The following SLC24A4 variants were observed in gnomAD, a reference collection of about 807,000 sequenced individuals.
SLC24A4 encodes solute carrier family 24 member 4.
In SLC24A4, 53 loss-of-function variants were observed where a neutral mutation model predicts 79.0. The ratio of observed to expected loss-of-function variants is 0.67; its 90% CI spans 0.54 to 0.84. The LOEUF (loss-of-function observed/expected upper bound fraction) is 0.84. Ranked by LOEUF, SLC24A4 falls within the 40% of genes least tolerant of loss-of-function variation. The probability of loss-of-function intolerance (pLI) is 0.00; values close to 1 mark genes in which losing one functional copy is unlikely to be tolerated. For missense variants in SLC24A4, 731 were observed against 822.0 expected, an observed-to-expected ratio of 0.89 and a Z score of 1.35; for synonymous variants, 323 against 323.8, an observed-to-expected ratio of 1.00 and a Z score of 0.03.
At chr14:92,483,624 C>A in intron 13 of SLC24A4, 1 of 713,160 alleles carries the variant, frequency 1.4e-6, no homozygotes, top group Non-Finnish European at 2.1e-6. Context: ...CCCATGTAAA[C>A]CTTTCATCGG....
In SLC24A4 at chr14:92,486,531, T is replaced by C. The variant is rs190034783; in HGVS notation, c.1423-135T>C. Reference sequence around the variant, plus strand: ...GGGGTTTTTTTTGTTTTGTTTTGTTTTGTTTTAAAAGAGGCAGCCCCAGTA... The same window carrying C: ...GGGGTTTTTTTTGTTTTGTTTTGTTCTGTTTTAAAAGAGGCAGCCCCAGTA... On this transcript the variant is annotated intron_variant, in intron 13 of 16. Transcript: ENST00000532405. The C allele has an allele frequency of 1.3e-5, 8 of 633,746 alleles. No individual in the cohort carries two copies. In the Admixed American group the frequency reaches 2.4e-4, roughly 19 times the overall value. The allele number at this position is 633,746 out of a possible 1,614,324, so 39.3% of individuals were successfully genotyped here. A position where few individuals can be genotyped will look rare whatever the true frequency, so the allele number is the denominator to read the frequency against.
In SLC24A4 at chr14:92,482,565, A is replaced by G. The variant is rs982898612; in HGVS notation, c.1256-115A>G. On this transcript the variant is annotated intron_variant, in intron 12 of 16. Coordinates refer to ENST00000532405, the MANE Select transcript of SLC24A4 (RefSeq NM_153646.4). ...TGCAAGGTCAGTTGCCTAGAGTCAC[A>G]TCGGTGGCATTCTCTTATTTAGCTT... is the stretch of plus-strand genomic sequence containing the variant. 12 of 1,001,964 alleles carry G rather than the reference A, an allele frequency of 1.2e-5. No homozygotes were observed. The Admixed American group carries it at 3.1e-4, about 26-fold the overall frequency. 62.1% of individuals were successfully genotyped at this position (1,001,964 alleles called of 1,614,324 possible). A position where few individuals can be genotyped will look rare whatever the true frequency, so the allele number is the denominator to read the frequency against.
At position 92,327,950 on chromosome 14, in the gene SLC24A4, GGGT is replaced by G. The variant is rs1235371142; in HGVS notation, c.241+1973_241+1975del. 3.9e-5 allele frequency among the ~76,000 whole-genome samples: 6 copies of G among 152,296 alleles called. No individual in the cohort carries two copies. The East Asian group carries it at 1.2e-3, about 29-fold the overall frequency. The stretch of plus-strand genomic sequence containing the variant: ...CCCATAGAAAGGACTGCATAGATAT[GGGT>G]CGAATGATGGAATGAAAGTGCATTT... On this transcript the variant is annotated intron_variant, in intron 2 of 16. Coordinates refer to ENST00000532405, the MANE Select transcript of SLC24A4 (RefSeq NM_153646.4).
At chr14:92,433,734 G>T (rs1892003659) in intron 2 of SLC24A4, among the ~76,000 whole-genome samples, 178 bp from the exon 3 acceptor site, 2 of 152,186 alleles carry the variant, frequency 1.3e-5, no homozygotes, top group African/African-American at 4.8e-5. Flanking sequence ...CCAGTATCCA[G>T]CAACTATTTC....
chr14:92,350,589 C>G (rs1455800782), intron 2 of SLC24A4, among the ~76,000 whole-genome samples: 1 of 152,170 alleles, frequency 6.6e-6, no homozygotes, highest in Non-Finnish European at 1.5e-5. Flanking sequence ...CTCTCTCAGT[C>G]TATCCACACA....
intron 4 of SLC24A4, among the ~76,000 whole-genome samples, chr14:92,440,577 G>T (rs764081589): frequency 6.6e-6 from 1 of 152,096 alleles, no homozygotes; most frequent in East Asian, 1.9e-4. Flanking sequence ...CCTATGGAAG[G>T]TGAAAGGTGG....
At chr14:92,423,610 A>T (rs1891406965) in intron 2 of SLC24A4, among the ~76,000 whole-genome samples, 1 of 152,260 alleles carries the variant, frequency 6.6e-6, no homozygotes, top group African/African-American at 2.4e-5. Context: ...TAGCTGTGGA[A>T]ATAAACAAAG....
At chr14:92,460,741 A>C (rs1375103405) in intron 12 of SLC24A4, among the ~76,000 whole-genome samples, 1 of 152,150 alleles carries the variant, frequency 6.6e-6, no homozygotes, top group Non-Finnish European at 1.5e-5. Context: ...AATGTTCTTT[A>C]TACACTGTCT....
At chr14:92,381,389 C>G (rs1321731450) in intron 2 of SLC24A4, among the ~76,000 whole-genome samples, 1 of 152,076 alleles carries the variant, frequency 6.6e-6, no homozygotes, top group African/African-American at 2.4e-5. Context: ...AATGAGAACA[C>G]ATGGACACGG....
chr14:92,439,187 A>C, intron 3 of SLC24A4, 148 bp from the exon 4 acceptor site: 2 of 616,226 alleles, frequency 3.2e-6, no homozygotes, highest in Non-Finnish European at 5.9e-6. Context: ...GATTGAGGGA[A>C]CGAAATCTAT....
intron 10 of SLC24A4, 74 bp downstream of exon 10, chr14:92,449,290 A>T: frequency 6.3e-6 from 3 of 475,458 alleles, no homozygotes; most frequent in Non-Finnish European, 9.5e-6. Flanking sequence ...GTACACACAC[A>T]CACACACACA....
intron 2 of SLC24A4, among the ~76,000 whole-genome samples, chr14:92,386,382 C>T (rs186057982): frequency 6.4e-4 from 97 of 152,188 alleles, no homozygotes; most frequent in Admixed American, 6.3e-3. Flanking sequence ...GGTCACAGTG[C>T]AGATCAACTT....
At chr14:92,396,415 A>T (rs540809625) in intron 2 of SLC24A4, among the ~76,000 whole-genome samples, 36 of 152,308 alleles carry the variant, frequency 2.4e-4, no homozygotes. Context: ...GAAACAGATG[A>T]GGTTGGGTGA....
intron 2 of SLC24A4, among the ~76,000 whole-genome samples, chr14:92,392,894 G>T (rs1371733562): frequency 6.6e-6 from 1 of 150,754 alleles, no homozygotes; most frequent in African/African-American, 2.4e-5. Context: ...ACTGTGTGAG[G>T]TCACATAGGA....
chr14:92,350,494 G>A (rs548605482), intron 2 of SLC24A4, among the ~76,000 whole-genome samples: 28 of 152,278 alleles, frequency 1.8e-4, no homozygotes, highest in South Asian at 6.2e-4. Context: ...GGACCATTTG[G>A]GATCAGGCCT....
intron 12 of SLC24A4, 34 bp downstream of exon 12, chr14:92,456,642 A>C: frequency 6.2e-7 from 1 of 1,601,246 alleles, no homozygotes; most frequent in Non-Finnish European, 8.5e-7. Context: ...CTCGGGCTAC[A>C]TTTTTGGGGG....
intron 2 of SLC24A4, among the ~76,000 whole-genome samples, chr14:92,333,239 G>A (rs1469282718): frequency 5.9e-5 from 9 of 151,942 alleles, no homozygotes; most frequent in Non-Finnish European, 8.8e-5. Context: ...GATTACAGGC[G>A]CCCACCACCA....
intron 12 of SLC24A4, among the ~76,000 whole-genome samples, chr14:92,459,572 C>G (rs1893677845): frequency 6.6e-6 from 1 of 152,196 alleles, no homozygotes; most frequent in South Asian, 2.1e-4. Context: ...CGAGTGTCCT[C>G]CCTGCCCTCA....
At chr14:92,380,666 T>C (rs1363202817) in intron 2 of SLC24A4, among the ~76,000 whole-genome samples, 1 of 152,190 alleles carries the variant, frequency 6.6e-6, no homozygotes, top group Non-Finnish European at 1.5e-5. Flanking sequence ...GGAAGGAACT[T>C]GCGGCTCCCG....
Sources: allele counts gnomAD v4.1 joint callset (sites outside exome capture counted in the v4.1 genomes callset), GRCh38; gene constraint gnomAD v4.1.1; transcripts MANE v1.5; gene names NCBI Gene and HGNC (gene_info 2026-07-23, HGNC 2026-07-21).